GSDME: variants seen among roughly 807,000 people sequenced by gnomAD.
GSDME encodes the protein gasdermin-E.
GSDME carries 44 observed loss-of-function variants against 47.5 expected under a neutral mutation model. That is an observed-to-expected ratio of 0.93 (90% CI 0.73 to 1.19). The LOEUF (loss-of-function observed/expected upper bound fraction) is 1.19, where lower values mean the gene tolerates loss of function less well. Ranked by LOEUF, GSDME falls within the 50% of genes most tolerant of loss-of-function variation. The pLI, the probability that GSDME is intolerant of heterozygous loss-of-function variation, is 0.00. For synonymous variants in GSDME, 258 were observed against 252.8 expected (o/e 1.02, Z -0.20); for missense variants, 663 against 604.2 (o/e 1.10, Z -1.02).
At chr7:24,779,562 A>AG in the GSDME span, among the ~76,000 whole-genome samples, 1 of 148,024 alleles carries the variant, frequency 6.8e-6, no homozygotes, top group Non-Finnish European at 1.5e-5. This position sits in a 1 kb window ranked among gnomAD's most constrained non-coding sequence, Gnocchi z 6.0. Context: ...GGCTTTCATC[A>AG]GGGGAAAAAA....
Position 24,703,452 on chromosome 7 carries a change from G to T in GSDME, c.1184-619C>A, listed in dbSNP as rs368497419. On this transcript the variant is annotated intron_variant, in intron 8 of 9. Transcript: ENST00000645220. ...GGGCCCTTGCCAAGCCCCAGGGAAG[G>T]GAATGCCAGATCAGTGTTATTCAAA... 7.5e-4 allele frequency: 124 copies of T among 166,062 alleles called. 4 individuals carry two copies. The South Asian group carries it at 0.019, about 25-fold the overall frequency. The allele number at this position is 166,062 out of a possible 1,614,324, so 10.3% of individuals were successfully genotyped here.
upstream of GSDME, chr7:24,757,574 G>C (rs947263400): frequency 8.5e-5 from 13 of 152,222 alleles, no homozygotes; most frequent in Non-Finnish European, 1.6e-4. The surrounding 1 kb of genome is among the most constrained non-coding windows in gnomAD (Gnocchi z 5.9). Context: ...CGGAGGCTGC[G>C]GGAGGGGCCC....
chr7:24,757,365 A>G lies in GSDME; in HGVS notation c.-20+31T>C, dbSNP rs1791066877. Reference sequence around the variant, plus strand: ...GGATCCGGAGTGGAGCCCGGAGCGGATCCCGCAGCCCGCGCCCGCCGCGCA... The same window carrying G: ...GGATCCGGAGTGGAGCCCGGAGCGGGTCCCGCAGCCCGCGCCCGCCGCGCA... On this transcript the variant is annotated intron_variant, in intron 1 of 9. Transcript: ENST00000645220. This position sits in a 1 kb window ranked among gnomAD's most constrained non-coding sequence, Gnocchi z 5.9. The G allele has an allele frequency of 6.6e-6, 1 of 152,308 alleles. No individual in the cohort carries two copies. The highest frequency in any genetic ancestry group is 2.4e-5 in the African/African-American group (1 of 41,412). 9.4% of individuals were successfully genotyped at this position (152,308 alleles called of 1,614,324 possible). A position where few individuals can be genotyped will look rare whatever the true frequency, so the allele number is the denominator to read the frequency against.
chr7:24,738,702 G>A (rs80227718), intron 3 of GSDME, among the ~76,000 whole-genome samples: 1,866 of 152,306 alleles, frequency 0.012, 18 homozygotes, highest in Middle Eastern at 0.054. Context: ...GAACAAGGCT[G>A]GATGAATCAC....
the GSDME span, among the ~76,000 whole-genome samples, chr7:24,793,926 C>T: frequency 6.6e-6 from 1 of 152,256 alleles, no homozygotes; most frequent in East Asian, 1.9e-4. Context: ...GGGCCATCCA[C>T]GGGTTACTGG....
intron 8 of GSDME, 87 bp downstream of exon 8, chr7:24,706,097 C>T: frequency 2.7e-6 from 4 of 1,496,606 alleles, no homozygotes; most frequent in Non-Finnish European, 3.7e-6. Flanking sequence ...TCCACAGTTA[C>T]CACCTCTGTG....
At chr7:24,791,495 G>A in the GSDME span, among the ~76,000 whole-genome samples, 1 of 152,216 alleles carries the variant, frequency 6.6e-6, no homozygotes, top group African/African-American at 2.4e-5. This position sits in a 1 kb window ranked among gnomAD's most constrained non-coding sequence, Gnocchi z 4.8. Flanking sequence ...GCTGACAGAT[G>A]CAAGATGTAG....
chr7:24,773,658 G>A, the GSDME span, among the ~76,000 whole-genome samples: 32 of 152,288 alleles, frequency 2.1e-4, no homozygotes, highest in African/African-American at 7.0e-4. The surrounding 1 kb of genome is among the most constrained non-coding windows in gnomAD (Gnocchi z 5.4). Context: ...CTTTCTAAGA[G>A]CCTGTGTCTT....
chr7:24,752,570 T>C (rs1368901195), intron 1 of GSDME, among the ~76,000 whole-genome samples: 5 of 152,152 alleles, frequency 3.3e-5, no homozygotes, highest in Non-Finnish European at 7.3e-5. Flanking sequence ...CCCTGGGGTG[T>C]CATGCTGGTA....
chr7:24,759,815 T>G (rs113163227), upstream of GSDME, among the ~76,000 whole-genome samples: 1,238 of 152,316 alleles, frequency 8.1e-3, 19 homozygotes, highest in Non-Finnish European at 8.7e-3. Flanking sequence ...GACCCCAGTC[T>G]GCTGCTCTCC....
At chr7:24,706,482 C>T (rs919191888) in intron 7 of GSDME, 106 bp from the exon 8 acceptor site, 10 of 1,142,274 alleles carry the variant, frequency 8.8e-6, no homozygotes, top group African/African-American at 1.6e-5. Context: ...CCCACTCCCC[C>T]GAGGAAAGTA....
chr7:24,789,638 C>G, the GSDME span, among the ~76,000 whole-genome samples: 4 of 152,226 alleles, frequency 2.6e-5, no homozygotes, highest in Non-Finnish European at 5.9e-5. Flanking sequence ...AGGGCGCAAG[C>G]TGGGCTATCT....
At chr7:24,701,478 AAC>A (rs908751001) in intron 9 of GSDME, among the ~76,000 whole-genome samples, 2 of 151,624 alleles carry the variant, frequency 1.3e-5, no homozygotes, top group African/African-American at 2.4e-5. Context: ...GGGGTTAGAT[AAC>A]AGTTAGATAA....
At chr7:24,710,917 GT>G (rs1442150581) in intron 5 of GSDME, among the ~76,000 whole-genome samples, 1 of 152,196 alleles carries the variant, frequency 6.6e-6, no homozygotes, top group Non-Finnish European at 1.5e-5. Context: ...TCACAAACAT[GT>G]TGAGTGAAAA....
intron 3 of GSDME, among the ~76,000 whole-genome samples, chr7:24,743,235 C>T (rs1352367543): frequency 6.6e-6 from 1 of 152,168 alleles, no homozygotes; most frequent in Non-Finnish European, 1.5e-5. Flanking sequence ...AATTTTTAAA[C>T]ATAATTTTGT....
Position 24,734,777 on chromosome 7 carries a change from G to T in GSDME, c.404+9785C>A, listed in dbSNP as rs547114715. On this transcript the variant is annotated intron_variant, in intron 3 of 9. Transcript: ENST00000645220. ...GACAAAAGAAAAAAAGAATGAAAAA[G>T]AATGAAATACACCTAAAAGACATAG... 2.6e-5 allele frequency among the ~76,000 whole-genome samples: 4 copies of T among 151,040 alleles called. No homozygotes were observed. The East Asian group carries it at 7.7e-4, about 29-fold the overall frequency.
At chr7:24,790,835 T>C in the GSDME span, among the ~76,000 whole-genome samples, 1 of 152,148 alleles carries the variant, frequency 6.6e-6, no homozygotes, top group Non-Finnish European at 1.5e-5. The surrounding 1 kb of genome is among the most constrained non-coding windows in gnomAD (Gnocchi z 4.1). Context: ...ATAATAACTA[T>C]AGAACAAAAA....
At position 24,732,196 on chromosome 7, in the gene GSDME, A is replaced by C. The variant is rs1209456297; in HGVS notation, c.404+12366T>G. Reference sequence around the variant, plus strand: ...ACTGTTTACTAAAAATAATGATTCCAGTGCTGAGTAAAGCACAAAGACAAA... The same window carrying C: ...ACTGTTTACTAAAAATAATGATTCCCGTGCTGAGTAAAGCACAAAGACAAA... On this transcript the variant is annotated intron_variant, in intron 3 of 9. Coordinates refer to ENST00000645220, the MANE Select transcript of GSDME (RefSeq NM_001127453.2). This position sits in a 1 kb window ranked among gnomAD's most constrained non-coding sequence, Gnocchi z 4.8. Among the ~76,000 whole-genome samples the C allele has an allele frequency of 6.6e-5, 10 of 152,266 alleles. No homozygotes were observed. Among genetic ancestry groups the C allele is most frequent in the Admixed American group, 2.6e-4 (4 of 15,290 alleles).
At chr7:24,746,716 C>T (rs1298609242) in intron 2 of GSDME, among the ~76,000 whole-genome samples, 1 of 152,178 alleles carries the variant, frequency 6.6e-6, no homozygotes, top group African/African-American at 2.4e-5. Flanking sequence ...ACTCTAGACA[C>T]ACCTCCGAAG....
Sources: gnomAD v4.1 joint callset for allele counts (sites outside exome capture counted in the v4.1 genomes callset) on GRCh38, gnomAD v4.1.1 for gene constraint, Gnocchi (gnomAD v3.1) non-coding constraint, MANE v1.5 for transcripts, NCBI Gene and HGNC (gene_info 2026-07-23, HGNC 2026-07-21) for gene names.